GREB1L: variants seen among roughly 807,000 people sequenced by gnomAD.
The protein encoded by GREB1L is GREB1-like protein.
A neutral mutation model predicts 200.8 loss-of-function variants in GREB1L; 17 were observed. That is an observed-to-expected ratio of 0.08 (90% CI 0.06 to 0.13). The LOEUF (loss-of-function observed/expected upper bound fraction) is 0.13. Among genes scored for constraint, GREB1L ranks in the 10% least tolerant of loss-of-function variants. The pLI, the probability that GREB1L is intolerant of heterozygous loss-of-function variation, is 1.00. For synonymous variants in GREB1L, 789 were observed against 893.0 expected (o/e 0.88, Z 2.08); for missense variants, 1,657 against 2,367.7 (o/e 0.70, Z 6.23).
chr18:21,381,263 C>A (rs2040299581), intron 2 of GREB1L, among the ~76,000 whole-genome samples: 1 of 150,974 alleles, frequency 6.6e-6, no homozygotes, highest in African/African-American at 2.4e-5. Context: ...TAATAATTAG[C>A]CGGGCACAGT....
At chr18:21,516,222 AC>A (rs2037413354) in intron 29 of GREB1L, among the ~76,000 whole-genome samples, 1 of 152,180 alleles carries the variant, frequency 6.6e-6, no homozygotes, top group African/African-American at 2.4e-5. Flanking sequence ...TGCCAAACTT[AC>A]GGTTATAGAA....
chr18:21,285,195 T>C (rs180701654), intron 1 of GREB1L, among the ~76,000 whole-genome samples: 25 of 152,290 alleles, frequency 1.6e-4, no homozygotes, highest in Non-Finnish European at 2.1e-4. Flanking sequence ...TTTCTGTTCA[T>C]TTTCTTGATG....
chr18:21,472,058 A>G (rs2035504992), intron 15 of GREB1L, among the ~76,000 whole-genome samples: 1 of 152,216 alleles, frequency 6.6e-6, no homozygotes, highest in Non-Finnish European at 1.5e-5. Context: ...CTCCTAATGA[A>G]CAGTGTTTGA....
intron 15 of GREB1L, among the ~76,000 whole-genome samples, chr18:21,459,155 C>G (rs745395846): frequency 3.3e-5 from 5 of 151,558 alleles, no homozygotes; most frequent in Non-Finnish European, 7.4e-5. Context: ...TATTTGTCTG[C>G]TGATATAGAG....
intron 1 of GREB1L, among the ~76,000 whole-genome samples, chr18:21,247,143 T>G (rs989788571): frequency 6.6e-6 from 1 of 152,160 alleles, no homozygotes; most frequent in Non-Finnish European, 1.5e-5. Flanking sequence ...CATTCTTGAC[T>G]GGTGACAGCA....
At chr18:21,430,789 T>A (rs2033087079) in intron 7 of GREB1L, among the ~76,000 whole-genome samples, 1 of 150,094 alleles carries the variant, frequency 6.7e-6, no homozygotes, top group Non-Finnish European at 1.5e-5. Flanking sequence ...AGAGACGGGG[T>A]TTCTCCATGT....
At chr18:21,373,047 C>A (rs2039941525) in intron 2 of GREB1L, among the ~76,000 whole-genome samples, 1 of 151,702 alleles carries the variant, frequency 6.6e-6, no homozygotes, top group South Asian at 2.1e-4. Flanking sequence ...GATTGGACAC[C>A]CCTGTTCTAG....
chr18:21,369,772 C>T (rs1273107069), intron 2 of GREB1L, among the ~76,000 whole-genome samples: 6 of 151,416 alleles, frequency 4.0e-5, no homozygotes, highest in Non-Finnish European at 8.8e-5. Flanking sequence ...CATGGTGAAA[C>T]CCTGTCTCTA....
intron 17 of GREB1L, among the ~76,000 whole-genome samples, chr18:21,484,403 G>T (rs1187067758): frequency 6.6e-6 from 1 of 151,966 alleles, no homozygotes. Context: ...TCAAAAAAAA[G>T]TGCTGGGTTT....
intron 15 of GREB1L, among the ~76,000 whole-genome samples, chr18:21,465,018 A>G (rs2035211872): frequency 6.6e-6 from 1 of 152,230 alleles, no homozygotes; most frequent in South Asian, 2.1e-4. Context: ...TTGATATAGA[A>G]CATGACATGT....
intron 1 of GREB1L, among the ~76,000 whole-genome samples, chr18:21,361,018 T>C (rs774658954): frequency 9.8e-5 from 15 of 152,356 alleles, no homozygotes; most frequent in African/African-American, 1.4e-4. Context: ...TGGTCTGTTA[T>C]CTATTTTTAG....
intron 19 of GREB1L, among the ~76,000 whole-genome samples, chr18:21,491,520 TA>T (rs1012019645): frequency 2.6e-5 from 4 of 151,914 alleles, no homozygotes; most frequent in African/African-American, 9.7e-5. Context: ...CCATCCTGGC[TA>T]ACATGGTGAA....
chr18:21,369,419 A>G (rs1014632537), intron 2 of GREB1L, among the ~76,000 whole-genome samples: 1 of 152,170 alleles, frequency 6.6e-6, no homozygotes, highest in Non-Finnish European at 1.5e-5. Context: ...TGCCTCTGGT[A>G]ATTATACTAG....
At chr18:21,331,436 C>T (rs943311240) in intron 1 of GREB1L, among the ~76,000 whole-genome samples, 5 of 152,202 alleles carry the variant, frequency 3.3e-5, no homozygotes, top group African/African-American at 9.6e-5. Flanking sequence ...GTGAGAACAG[C>T]TTTCTCATTG....
intron 15 of GREB1L, among the ~76,000 whole-genome samples, chr18:21,456,208 G>C (rs1469079053): frequency 1.3e-5 from 2 of 152,110 alleles, no homozygotes; most frequent in Non-Finnish European, 2.9e-5. Flanking sequence ...ACCCAGCCCG[G>C]ATTCTGCATT....
At chr18:21,459,753 G>A (rs1179702532) in intron 15 of GREB1L, among the ~76,000 whole-genome samples, 4 of 152,056 alleles carry the variant, frequency 2.6e-5, no homozygotes, top group Non-Finnish European at 5.9e-5. Context: ...CAGAAAAAAA[G>A]ACAGTATTTT....
At chr18:21,268,511 GTA>G (rs1324427104) in intron 1 of GREB1L, among the ~76,000 whole-genome samples, 3,063 of 66,728 alleles carry the variant, frequency 0.046, 67 homozygotes, top group African/African-American at 0.071. Flanking sequence ...ATATATATAT[GTA>G]TATATATATA....
At chr18:21,345,221 A>G (rs1359010962) in intron 1 of GREB1L, among the ~76,000 whole-genome samples, 1 of 152,166 alleles carries the variant, frequency 6.6e-6, no homozygotes, top group Non-Finnish European at 1.5e-5. Flanking sequence ...TTCGAAAACC[A>G]TATGTCTAAG....
At chr18:21,418,096 T>C (rs941148775) in intron 7 of GREB1L, among the ~76,000 whole-genome samples, 4 of 152,090 alleles carry the variant, frequency 2.6e-5, no homozygotes, top group African/African-American at 7.2e-5. Flanking sequence ...ACCAGTATAA[T>C]AATATATTTT....
Sources: gnomAD v4.1 joint callset for allele counts (sites outside exome capture counted in the v4.1 genomes callset) on GRCh38, gnomAD v4.1.1 for gene constraint, MANE v1.5 for transcripts, NCBI Gene and HGNC (gene_info 2026-07-23, HGNC 2026-07-21) for gene names.